The following NAA35 variants were observed in gnomAD, a reference collection of about 807,000 sequenced individuals.
The protein encoded by NAA35 is N-alpha-acetyltransferase 35, NatC auxiliary subunit, also known as MAK10 homolog, amino-acid N-acetyltransferase subunit.
In NAA35, 18 loss-of-function variants were observed where a neutral mutation model predicts 101.7. That is an observed-to-expected ratio of 0.18 (90% CI 0.12 to 0.26). The LOEUF is 0.26. NAA35 is among the 10% of genes least tolerant of loss of function. The probability of loss-of-function intolerance (pLI) is 1.00; values close to 1 mark genes in which losing one functional copy is unlikely to be tolerated. For missense variants in NAA35, 601 were observed against 886.8 expected (o/e 0.68, Z 4.09); for synonymous variants, 267 against 273.1 (o/e 0.98, Z 0.22).
rs182542853 is a variant in NAA35 at position 85,949,801 on chromosome 9, G to T, written c.125-6559G>T. Reference sequence around the variant, plus strand: ...TACTTAAGGCTTTAACTTAAAAGTAGAAGTAACTTTAAAAAAAAAAAAACA... The same window carrying T: ...TACTTAAGGCTTTAACTTAAAAGTATAAGTAACTTTAAAAAAAAAAAAACA... On this transcript the variant is annotated intron_variant, in intron 2 of 22. Coordinates refer to ENST00000361671, the MANE Select transcript of NAA35 (RefSeq NM_024635.4). Among the ~76,000 whole-genome samples the T allele has an allele frequency of 5.8e-3, 873 of 150,716 alleles. 4 individuals carry two copies. Among genetic ancestry groups the T allele is most frequent in the Middle Eastern group, 0.014 (4 of 292 alleles).
chr9:86,013,131 C>A lies in NAA35; in HGVS notation c.1376C>A (p.Thr459Asn). ...GGTCATATTCTTGAGGAATTTGCCA[C>A]CTTGCAGGATGAGGTAAGAGCCAGG... The part of the protein sequence containing the change: ...KLGHILEEFA[T>N]LQDEAEKVDA... The change falls in exon 16 of 23, where the codon ACC becomes AAC. Residue 459 changes from threonine (T) to asparagine (N), a missense_variant. Coordinates refer to ENST00000361671, the MANE Select transcript of NAA35 (RefSeq NM_024635.4). 2 of 1,592,410 alleles carry A rather than the reference C, an allele frequency of 1.3e-6. No homozygotes were observed. The highest frequency in any genetic ancestry group is 1.7e-6 in the Non-Finnish European group (2 of 1,164,954).
At chr9:86,020,825 A>G (rs571986103) in intron 21 of NAA35, 64 bp from the exon 22 acceptor site, 2 of 1,381,748 alleles carry the variant, frequency 1.4e-6, no homozygotes, top group African/African-American at 1.4e-5. Context: ...CAGGTCTCAA[A>G]AAAGAAAAAG....
intron 6 of NAA35, among the ~76,000 whole-genome samples, chr9:85,967,176 G>T (rs1168892705): frequency 6.6e-6 from 1 of 151,892 alleles, no homozygotes; most frequent in Non-Finnish European, 1.5e-5. Flanking sequence ...TAGAAATGTG[G>T]GTACTTTATG....
At position 86,009,879 on chromosome 9, in the gene NAA35, A is replaced by G; in HGVS notation, c.1238A>G (p.Asn413Ser). The part of the protein sequence containing the change: ...PVLSPKCYLY[N>S]NHQAKDCIDS... ...TTATCTTGCAGGTGCTACCTATATA[A>G]TAATCACCAGGCTAAGGACTGTATC... is the stretch of plus-strand genomic sequence containing the variant. The change falls in exon 15 of 23, where the codon AAT (asparagine) becomes AGT (serine). Residue 413 changes from asparagine to serine, a missense_variant. Coordinates refer to ENST00000361671, the MANE Select transcript of NAA35 (RefSeq NM_024635.4). The G allele has an allele frequency of 6.2e-7, 1 of 1,612,868 alleles. No homozygotes were observed. The highest frequency in any genetic ancestry group is 8.5e-7 in the Non-Finnish European group (1 of 1,179,042).
intron 6 of NAA35, among the ~76,000 whole-genome samples, chr9:85,973,133 G>A (rs1353448385): frequency 6.6e-6 from 1 of 152,144 alleles, no homozygotes; most frequent in South Asian, 2.1e-4. Flanking sequence ...AGCCGTGAGA[G>A]GAGAACGTGT....
At chr9:85,952,432 C>T (rs1338268536) in intron 2 of NAA35, among the ~76,000 whole-genome samples, 1 of 151,740 alleles carries the variant, frequency 6.6e-6, no homozygotes, top group African/African-American at 2.4e-5. Flanking sequence ...ATTACAGGCG[C>T]ACACCACCAT....
chr9:85,941,711 A>C, intron 1 of NAA35: 1 of 986,410 alleles, frequency 1.0e-6, no homozygotes, highest in Non-Finnish European at 1.2e-6. Flanking sequence ...CTGGCCCGGG[A>C]GAGGTCCCAG....
chr9:86,002,651 G>C (rs1403516411), intron 12 of NAA35, among the ~76,000 whole-genome samples: 1 of 151,970 alleles, frequency 6.6e-6, no homozygotes, highest in Non-Finnish European at 1.5e-5. Context: ...TTATTTTGCT[G>C]TTAATACTTG....
chr9:86,025,163 T>C lies in NAA35; in HGVS notation c.*3203T>C, dbSNP rs377429125. Among the ~76,000 whole-genome samples, 190 of 152,324 alleles carry C rather than the reference T, an allele frequency of 1.2e-3. 4 individuals carry two copies. The South Asian group carries it at 0.033, about 27-fold the overall frequency. ...TGTTTTCCTTGTTCCTCTTTGGCTA[T>C]GCTCTGGGCACTGGAAAAAGCCTGC... is the stretch of plus-strand genomic sequence containing the variant. On this transcript the variant is annotated 3_prime_UTR_variant, in exon 23 of 23. Coordinates refer to ENST00000361671, the MANE Select transcript of NAA35 (RefSeq NM_024635.4).
In NAA35 at chr9:85,961,861, A is replaced by G. The variant is rs534333390; in HGVS notation, c.349-152A>G. The stretch of plus-strand genomic sequence containing the variant: ...ATAGACACTTGAAAAATGTTAGTCA[A>G]TGAAAGTGAATTCTAACGTGTCTTT... On this transcript the variant is annotated intron_variant, in intron 5 of 22. Coordinates refer to ENST00000361671, the MANE Select transcript of NAA35 (RefSeq NM_024635.4). 77 of 532,712 alleles carry G rather than the reference A, an allele frequency of 1.4e-4. No individual in the cohort carries two copies. The East Asian group carries it at 2.1e-3, about 14-fold the overall frequency. 33.0% of individuals were successfully genotyped at this position (532,712 alleles called of 1,614,324 possible).
At chr9:85,983,114 G>A (rs190806960) in intron 11 of NAA35, among the ~76,000 whole-genome samples, 2 of 152,268 alleles carry the variant, frequency 1.3e-5, no homozygotes, top group African/African-American at 4.8e-5. Context: ...AATACTAAAA[G>A]TTTATTCTCT....
chr9:85,946,976 C>G (rs979764761), intron 2 of NAA35, among the ~76,000 whole-genome samples: 1 of 152,174 alleles, frequency 6.6e-6, no homozygotes, highest in Non-Finnish European at 1.5e-5. Flanking sequence ...TCTATCTTCT[C>G]TCACCCAGAA....
At chr9:85,943,077 T>C (rs1828594545) in intron 2 of NAA35, among the ~76,000 whole-genome samples, 1 of 152,200 alleles carries the variant, frequency 6.6e-6, no homozygotes, top group South Asian at 2.1e-4. Context: ...GCAGAGATAA[T>C]TTCTGTAACC....
intron 14 of NAA35, among the ~76,000 whole-genome samples, chr9:86,008,473 A>C (rs191655380): frequency 6.6e-6 from 1 of 152,328 alleles, no homozygotes; most frequent in East Asian, 1.9e-4. Flanking sequence ...TTTGATGTTA[A>C]TAAATCAACA....
chr9:85,967,425 T>G (rs1365804540), intron 6 of NAA35, among the ~76,000 whole-genome samples: 1 of 152,128 alleles, frequency 6.6e-6, no homozygotes, highest in Non-Finnish European at 1.5e-5. Flanking sequence ...TTTGCTAAAT[T>G]TTTCAGATTT....
At chr9:85,987,241 G>T (rs1830687131) in intron 11 of NAA35, among the ~76,000 whole-genome samples, 1 of 152,218 alleles carries the variant, frequency 6.6e-6, no homozygotes, top group Non-Finnish European at 1.5e-5. Context: ...TGATTCTTGA[G>T]CCACATGCAT....
At chr9:85,978,155 A>G (rs763252062) in intron 10 of NAA35, 112 bp from the exon 11 acceptor site, 26 of 685,786 alleles carry the variant, frequency 3.8e-5, no homozygotes, top group East Asian at 1.6e-4. Flanking sequence ...ATGAAAACCA[A>G]TGTCATTACA....
intron 2 of NAA35, among the ~76,000 whole-genome samples, chr9:85,951,190 A>C (rs186981685): frequency 6.6e-6 from 1 of 152,302 alleles, no homozygotes; most frequent in African/African-American, 2.4e-5. Flanking sequence ...TAACATTTTT[A>C]AAAATGAGAA....
chr9:85,967,561 A>G (rs996868324), intron 6 of NAA35, among the ~76,000 whole-genome samples: 2 of 152,112 alleles, frequency 1.3e-5, no homozygotes, highest in Non-Finnish European at 2.9e-5. Context: ...TAATTCCAGC[A>G]CTTTGAGAGG....
Sources: allele counts gnomAD v4.1 joint callset (sites outside exome capture counted in the v4.1 genomes callset), GRCh38; gene constraint gnomAD v4.1.1; transcripts MANE v1.5; gene names NCBI Gene and HGNC (gene_info 2026-07-23, HGNC 2026-07-21).